The following KIAA1328 variants were observed in gnomAD, a reference collection of about 807,000 sequenced individuals.
The protein encoded by KIAA1328 is KIAA1328, also known as protein hinderin.
In KIAA1328, 52 loss-of-function variants were observed where a neutral mutation model predicts 68.1. That is an observed-to-expected ratio of 0.76 (90% CI 0.61 to 0.96). KIAA1328 has a LOEUF of 0.96. Ranked by LOEUF, KIAA1328 falls within the 40% of genes least tolerant of loss-of-function variation. The pLI is 0.00. For synonymous variants in KIAA1328, 232 were observed against 239.4 expected (o/e 0.97, Z 0.28); for missense variants, 641 against 677.6 (o/e 0.95, Z 0.60).
chr18:37,048,068 GA>G (rs1352426317), intron 6 of KIAA1328, among the ~76,000 whole-genome samples: 1 of 151,540 alleles, frequency 6.6e-6, no homozygotes, highest in South Asian at 2.1e-4. Flanking sequence ...TTAATAACTT[GA>G]AAAAAAATCA....
chr18:36,992,229 G>A (rs563018120), intron 6 of KIAA1328, among the ~76,000 whole-genome samples: 4 of 152,206 alleles, frequency 2.6e-5, no homozygotes, highest in African/African-American at 9.6e-5. Context: ...TCTTTATGCT[G>A]CTTTTGATAA....
At chr18:37,199,944 A>T (rs1327791184) in intron 9 of KIAA1328, among the ~76,000 whole-genome samples, 2 of 152,176 alleles carry the variant, frequency 1.3e-5, no homozygotes, top group East Asian at 3.9e-4. Context: ...GAACATTTTT[A>T]AAAAGAATGA....
intron 6 of KIAA1328, among the ~76,000 whole-genome samples, chr18:36,989,755 C>T (rs1300770081): frequency 6.6e-6 from 1 of 152,010 alleles, no homozygotes; most frequent in Non-Finnish European, 1.5e-5. Context: ...AGTGCAGTGG[C>T]ACGATCTCGG....
intron 9 of KIAA1328, among the ~76,000 whole-genome samples, chr18:37,201,374 A>G (rs547018229): frequency 6.6e-6 from 1 of 152,314 alleles, no homozygotes; most frequent in African/African-American, 2.4e-5. Context: ...AGAGACTTGT[A>G]GCCAGGAAAT....
chr18:37,116,424 T>G (rs1382865200), intron 7 of KIAA1328, among the ~76,000 whole-genome samples: 1 of 152,150 alleles, frequency 6.6e-6, no homozygotes, highest in Non-Finnish European at 1.5e-5. Context: ...GATTCCCTAT[T>G]TAATAAATGG....
chr18:37,015,180 C>T (rs1220350953), intron 6 of KIAA1328, among the ~76,000 whole-genome samples: 1 of 152,066 alleles, frequency 6.6e-6, no homozygotes, highest in Non-Finnish European at 1.5e-5. Flanking sequence ...TTTTTGTATA[C>T]TGTGAAAGGT....
chr18:36,996,691 C>T (rs2053405171), intron 6 of KIAA1328, among the ~76,000 whole-genome samples: 1 of 152,086 alleles, frequency 6.6e-6, no homozygotes, highest in African/African-American at 2.4e-5. Context: ...TATTAGAGTT[C>T]TGGCATTAAC....
intron 4 of KIAA1328, among the ~76,000 whole-genome samples, chr18:36,869,504 C>T (rs887287070): frequency 2.6e-5 from 4 of 152,024 alleles, no homozygotes; most frequent in African/African-American, 7.3e-5. Context: ...CTTGCTAGAT[C>T]TACTCAGAAT....
chr18:36,909,705 G>A (rs866401001), intron 5 of KIAA1328, among the ~76,000 whole-genome samples: 2 of 152,142 alleles, frequency 1.3e-5, no homozygotes, highest in African/African-American at 4.8e-5. Context: ...TTGAGGAATC[G>A]CCACACTGTG....
chr18:37,088,708 C>G (rs2151824909), intron 7 of KIAA1328, among the ~76,000 whole-genome samples: 1 of 151,952 alleles, frequency 6.6e-6, no homozygotes, highest in Admixed American at 6.5e-5. Flanking sequence ...ATCTCATCAT[C>G]TGGAGGTAAT....
At chr18:36,975,936 G>T (rs895302739) in intron 6 of KIAA1328, among the ~76,000 whole-genome samples, 1 of 151,934 alleles carries the variant, frequency 6.6e-6, no homozygotes, top group Non-Finnish European at 1.5e-5. Flanking sequence ...GATATTTACA[G>T]TTTGCCATTA....
At chr18:37,142,217 A>G (rs1599408190) in intron 7 of KIAA1328, among the ~76,000 whole-genome samples, 1 of 151,680 alleles carries the variant, frequency 6.6e-6, no homozygotes, top group African/African-American at 2.4e-5. Flanking sequence ...TTGGGGATGG[A>G]GTCTCGCTCC....
intron 6 of KIAA1328, among the ~76,000 whole-genome samples, chr18:37,019,974 T>C (rs2054284263): frequency 6.6e-6 from 1 of 152,112 alleles, no homozygotes. Flanking sequence ...TGGGGGCCAG[T>C]CTACTGGTCC....
chr18:37,219,438 G>A (rs974586579), intron 9 of KIAA1328, among the ~76,000 whole-genome samples: 39 of 152,356 alleles, frequency 2.6e-4, no homozygotes, highest in African/African-American at 8.4e-4. Flanking sequence ...CAGAGGTGGA[G>A]TCTACAGAGG....
chr18:37,016,809 G>A (rs1283677023), intron 6 of KIAA1328, among the ~76,000 whole-genome samples: 1 of 152,054 alleles, frequency 6.6e-6, no homozygotes, highest in Non-Finnish European at 1.5e-5. Context: ...TATTGGTTGT[G>A]ATGTCACCTT....
chr18:37,037,737 T>TAGGG, intron 6 of KIAA1328, among the ~76,000 whole-genome samples: 1 of 151,610 alleles, frequency 6.6e-6, no homozygotes, highest in East Asian at 1.9e-4. Context: ...CCCTAATCTT[T>TAGGG]TTAATATACA....
At position 37,222,039 on chromosome 18, in the gene KIAA1328, T is replaced by G. The variant is rs2060573431; in HGVS notation, c.1546T>G (p.Leu516Val). 4 of 1,613,646 alleles carry G rather than the reference T, an allele frequency of 2.5e-6. No individual in the cohort carries two copies. Among genetic ancestry groups the G allele is most frequent in the Non-Finnish European group, 3.4e-6 (4 of 1,179,706 alleles). ...CAGGTATGAGACATCTTTGTTGGAT[T>G]TGGTTCAGTCTCTGAGCCCAAACTC... ...TSRYETSLLD[L>V]VQSLSPNSAP... is the part of the protein sequence containing the mutation. The change falls in exon 10 of 10, where the codon TTG becomes GTG. Residue 516 changes from leucine (L) to valine (V), a missense_variant. By Grantham distance (32) the Leu-to-Val change is conservative (BLOSUM62 1). Transcript: ENST00000280020.
intron 5 of KIAA1328, among the ~76,000 whole-genome samples, chr18:36,943,222 T>G (rs2050774939): frequency 6.6e-6 from 1 of 152,242 alleles, no homozygotes; most frequent in South Asian, 2.1e-4. Flanking sequence ...TATGCATATT[T>G]ATTATGAAAG....
chr18:37,069,977 C>T (rs182930493), intron 7 of KIAA1328, among the ~76,000 whole-genome samples: 8 of 152,138 alleles, frequency 5.3e-5, no homozygotes, highest in South Asian at 2.1e-4. Context: ...ATTCCCTTCT[C>T]GGCACTGATT....
Sources: gnomAD v4.1 joint callset for allele counts (sites outside exome capture counted in the v4.1 genomes callset) on GRCh38, gnomAD v4.1.1 for gene constraint, MANE v1.5 for transcripts, NCBI Gene and HGNC (gene_info 2026-07-23, HGNC 2026-07-21) for gene names.